Variants in NBAS observed in about 807,000 individuals in gnomAD.
The protein encoded by NBAS is NAG/BC035112 fusion.
A neutral mutation model predicts 302.5 loss-of-function variants in NBAS; 219 were observed. The observed-to-expected ratio is 0.72, with a 90% CI of 0.65 to 0.81. The LOEUF (loss-of-function observed/expected upper bound fraction) is 0.81. Among genes scored for constraint, NBAS ranks in the 30% least tolerant of loss-of-function variants. The pLI, the probability that NBAS is intolerant of heterozygous loss-of-function variation, is 0.00. For missense variants in NBAS, 2,932 were observed against 2,841.6 expected, an observed-to-expected ratio of 1.03 and a Z score of -0.72; for synonymous variants, 1,118 against 1,021.6, an observed-to-expected ratio of 1.09 and a Z score of -1.80.
the NBAS span, among the ~76,000 whole-genome samples, chr2:15,003,350 C>T: frequency 2.9e-3 from 443 of 152,204 alleles, 4 homozygotes; most frequent in African/African-American, 0.01. Context: ...TTTATTTGCC[C>T]ACTCATGCTT....
chr2:15,553,883 CCTCTCTCTCTTTCCCTCTCTCTCT>C (rs1250804094), intron 4 of NBAS, among the ~76,000 whole-genome samples, 154 bp downstream of exon 4: 1 of 120,660 alleles, frequency 8.3e-6, no homozygotes, highest in Non-Finnish European at 1.8e-5. Context: ...TCTCTCTCTC[CCTCTCTCTCTTTCCCTCTCTCTCT>C]AAAAAGTTTA....
intron 10 of NBAS, 134 bp downstream of exon 10, chr2:15,511,078 C>A: frequency 2.8e-6 from 3 of 1,069,568 alleles, no homozygotes; most frequent in East Asian, 2.4e-5. Context: ...AAAATTATAC[C>A]AGCATTAATT....
At chr2:14,876,186 T>C in the NBAS span, among the ~76,000 whole-genome samples, 1 of 152,238 alleles carries the variant, frequency 6.6e-6, no homozygotes, top group Non-Finnish European at 1.5e-5. Flanking sequence ...CAGAGGCTTC[T>C]ACTTGGTCTT....
At chr2:15,524,501 C>T (rs972330161) in intron 9 of NBAS, among the ~76,000 whole-genome samples, 1 of 152,204 alleles carries the variant, frequency 6.6e-6, no homozygotes, top group African/African-American at 2.4e-5. Context: ...CACATGCTCA[C>T]TCCATGCAGA....
chr2:15,327,816 C>A lies in NBAS; in HGVS notation c.4516G>T (p.Val1506Leu), dbSNP rs780136630. The change falls in exon 38 of 52, where the codon GTA becomes TTA. Residue 1506 changes from valine (V) to leucine (L), a missense_variant. By Grantham distance (32) the Val-to-Leu change is conservative (BLOSUM62 1). Coordinates refer to ENST00000281513, the MANE Select transcript of NBAS (RefSeq NM_015909.4). Reference sequence around the variant, plus strand: ...GCCAATTTTCCAGTTCTCAGCAATACTTCTGCAAAGCTTTCCACTGGAACA... The same window carrying A: ...GCCAATTTTCCAGTTCTCAGCAATAATTCTGCAAAGCTTTCCACTGGAACA... ...QHVPVESFAE[V>L]LLRTGKLAEA... 3 of 1,613,684 alleles carry A rather than the reference C, an allele frequency of 1.9e-6. No individual in the cohort carries two copies. In the South Asian group the frequency reaches 3.3e-5, roughly 18 times the overall value.
chr2:15,478,125 G>T, intron 13 of NBAS, 101 bp downstream of exon 13: 2 of 826,666 alleles, frequency 2.4e-6, no homozygotes, highest in East Asian at 2.6e-5. Flanking sequence ...CTTCCAAAGT[G>T]CAGCAAAAGT....
intron 9 of NBAS, among the ~76,000 whole-genome samples, chr2:15,512,816 C>T (rs116459010): frequency 0.021 from 3,245 of 152,302 alleles, 51 homozygotes; most frequent in Non-Finnish European, 0.035. Context: ...CCATTTCAGA[C>T]TTCTGAGCTC....
Position 15,417,690 on chromosome 2 carries a change from A to G in NBAS, c.2600T>C (p.Ile867Thr), listed in dbSNP as rs775856572. 1.2e-6 allele frequency: 2 copies of G among 1,614,016 alleles called. No homozygotes were observed. The highest frequency in any genetic ancestry group is 1.7e-6 in the Non-Finnish European group (2 of 1,179,950). The change falls in exon 24 of 52, where the codon ATT (isoleucine) becomes ACT (threonine). Residue 867 changes from isoleucine (I) to threonine (T), a missense_variant. Ile to Thr is a moderately conservative substitution (Grantham distance 89). Coordinates refer to ENST00000281513, the MANE Select transcript of NBAS (RefSeq NM_015909.4). ...ARQVDCALSL[I>T]RLGMERNIPG... ...AATATTCCGCTCCATCCCAAGTCGA[A>G]TAAGTGACAATGCACAGTCCACCTA...
At position 15,478,215 on chromosome 2, in the gene NBAS, G is replaced by C; in HGVS notation, c.1147+11C>G. On this transcript the variant is annotated intron_variant, in intron 13 of 51. Transcript: ENST00000281513. ...ATTAAGGTTTCAATTATCACATTTCGTAGAACTCACCTTTGATTTTTTTTC... is the reference window on the plus strand; with the variant it reads ...ATTAAGGTTTCAATTATCACATTTCCTAGAACTCACCTTTGATTTTTTTTC... The C allele has an allele frequency of 6.4e-7, 1 of 1,564,096 alleles. No homozygotes were observed. Among genetic ancestry groups the C allele is most frequent in the Non-Finnish European group, 8.8e-7 (1 of 1,135,052 alleles).
At chr2:15,273,648 A>G (rs1669432842) in intron 44 of NBAS, among the ~76,000 whole-genome samples, 1 of 152,224 alleles carries the variant, frequency 6.6e-6, no homozygotes, top group Non-Finnish European at 1.5e-5. Flanking sequence ...CTCTGTCTCA[A>G]GGAAGCAGAA....
intron 8 of NBAS, among the ~76,000 whole-genome samples, chr2:15,535,476 C>G (rs1158825696): frequency 6.6e-6 from 1 of 151,274 alleles, no homozygotes; most frequent in East Asian, 1.9e-4. Context: ...GAGCCAAGAT[C>G]ACTCAACTGC....
Position 15,498,383 on chromosome 2 carries a change from T to C in NBAS, c.954+5762A>G, listed in dbSNP as rs111479129. Among the ~76,000 whole-genome samples, 599 of 152,298 alleles carry C rather than the reference T, an allele frequency of 3.9e-3. 2 individuals carry two copies. The highest frequency in any genetic ancestry group is 0.014 in the African/African-American group (562 of 41,548). On this transcript the variant is annotated intron_variant, in intron 11 of 51. Coordinates refer to ENST00000281513, the MANE Select transcript of NBAS (RefSeq NM_015909.4). ...TCCCAATAAAAAAAATATTTATACA[T>C]ACATACAGTGTCTGGCATACAAACA...
chr2:15,273,254 T>G (rs1669411547), intron 44 of NBAS, among the ~76,000 whole-genome samples: 1 of 152,220 alleles, frequency 6.6e-6, no homozygotes. Context: ...GCTGGTTCCT[T>G]GGATTTTAAA....
intron 31 of NBAS, among the ~76,000 whole-genome samples, chr2:15,369,753 TC>T (rs1279949915): frequency 6.6e-6 from 1 of 152,246 alleles, no homozygotes; most frequent in Non-Finnish European, 1.5e-5. Flanking sequence ...AATCTAATTT[TC>T]CTGCAGAAAT....
intron 31 of NBAS, among the ~76,000 whole-genome samples, chr2:15,368,042 T>C (rs1467091923): frequency 6.6e-6 from 1 of 152,166 alleles, no homozygotes; most frequent in Non-Finnish European, 1.5e-5. Flanking sequence ...TACACATATA[T>C]ACAAGTGCAT....
chr2:15,119,355 C>A, the NBAS span, among the ~76,000 whole-genome samples: 3 of 145,848 alleles, frequency 2.1e-5, no homozygotes, highest in East Asian at 6.2e-4. Context: ...GTCGCCCAGG[C>A]CAGAGTGCAG....
At chr2:15,100,822 G>T in the NBAS span, among the ~76,000 whole-genome samples, 2 of 152,132 alleles carry the variant, frequency 1.3e-5, no homozygotes, top group Non-Finnish European at 2.9e-5. Flanking sequence ...TGTCTGTATA[G>T]TTGGTGTGTC....
In NBAS at chr2:15,179,062, G is replaced by A; in HGVS notation, c.6766C>T (p.Leu2256=). 1 of 1,614,032 alleles carries A rather than the reference G, an allele frequency of 6.2e-7. No individual in the cohort carries two copies. The highest frequency in any genetic ancestry group is 2.2e-5 in the East Asian group (1 of 44,888). The change falls in exon 51 of 52, where the codon CTG becomes TTG. Residue 2256 remains leucine (L), a synonymous_variant. Coordinates refer to ENST00000281513, the MANE Select transcript of NBAS (RefSeq NM_015909.4). ...TCTCGGCTCTCGAGGAGAAGTTTCA[G>A]AGATGGAAGCAGGAGGGACTGGTTA... ...LLNQSLLLPS[L]KLLLESRDEH... is the part of the protein sequence containing the mutation.
intron 11 of NBAS, among the ~76,000 whole-genome samples, chr2:15,502,779 G>A (rs1046048700): frequency 9.9e-5 from 15 of 152,278 alleles, no homozygotes; most frequent in African/African-American, 3.4e-4. Flanking sequence ...TAGAAACACT[G>A]TACACTTAGG....
Sources: gnomAD v4.1 joint callset for allele counts (sites outside exome capture counted in the v4.1 genomes callset) on GRCh38, gnomAD v4.1.1 for gene constraint, MANE v1.5 for transcripts, NCBI Gene and HGNC (gene_info 2026-07-23, HGNC 2026-07-21) for gene names.